TMEM41A: variants seen among roughly 807,000 people sequenced by gnomAD.
The protein encoded by TMEM41A is transmembrane protein 41A.
Under a neutral mutation model 25.7 loss-of-function variants are expected in TMEM41A, and 20 were observed. The observed-to-expected ratio is 0.78, with a 90% CI of 0.55 to 1.13. The LOEUF (loss-of-function observed/expected upper bound fraction) is 1.13, where lower values mean the gene tolerates loss of function less well. TMEM41A is among the 50% of genes most tolerant of loss of function. TMEM41A has a pLI of 0.00. For missense variants in TMEM41A, 299 were observed against 314.3 expected (o/e 0.95, Z 0.37); for synonymous variants, 133 against 139.6 (o/e 0.95, Z 0.33).
intron 4 of TMEM41A, chr3:185,494,332 G>T (rs1560147175): frequency 7.0e-6 from 2 of 286,282 alleles, no homozygotes; most frequent in Non-Finnish European, 1.3e-5. Context: ...TACTTACTAT[G>T]GGCCAATTTG....
In TMEM41A at chr3:185,496,864, G is replaced by A. The variant is rs752986723; in HGVS notation, c.237C>T (p.Tyr79=). The A allele has an allele frequency of 1.9e-6, 3 of 1,608,158 alleles. No homozygotes were observed. Among genetic ancestry groups the A allele is most frequent in the Non-Finnish European group, 2.5e-6 (3 of 1,178,260 alleles). The change falls in exon 2 of 5, where the codon TAC becomes TAT. Residue 79 remains tyrosine, a synonymous_variant. Transcript: ENST00000421852. ...VFLLFCGAYL[Y]KQGFAIPGSS... ...AGCCGGGGATGGCAAAGCCCTGTTT[G>A]TAGAGGTAGGCGCCGCAGAAGAGCA...
At position 185,499,027 on chromosome 3, in the gene TMEM41A, G is replaced by A; in HGVS notation, c.-66C>T. 2.1e-6 allele frequency: 3 copies of A among 1,418,988 alleles called. No individual in the cohort carries two copies. The highest frequency in any genetic ancestry group is 2.9e-6 in the Non-Finnish European group (3 of 1,039,456). 87.9% of individuals were successfully genotyped at this position (1,418,988 alleles called of 1,614,324 possible). Reference sequence around the variant, plus strand: ...CACTTGCACTCCGGGACGCAGCGGCGGGCGGACTGAGCCCGCGGAGCACGT... The same window carrying A: ...CACTTGCACTCCGGGACGCAGCGGCAGGCGGACTGAGCCCGCGGAGCACGT... On this transcript the variant is annotated 5_prime_UTR_variant, in exon 1 of 5. Transcript: ENST00000421852.
chr3:185,495,450 T>C, intron 2 of TMEM41A, 135 bp from the exon 3 acceptor site: 1 of 810,070 alleles, frequency 1.2e-6, no homozygotes, highest in Non-Finnish European at 1.9e-6. Context: ...GTTATTTATT[T>C]ATTTTTAAGA....
Position 185,495,047 on chromosome 3 carries a change from C to G in TMEM41A, c.435+107G>C, listed in dbSNP as rs1352501205. 7.3e-6 allele frequency: 10 copies of G among 1,369,116 alleles called. No individual in the cohort carries two copies. In the Admixed American group the frequency reaches 1.7e-4, roughly 24 times the overall value. The allele number at this position is 1,369,116 out of a possible 1,614,324, so 84.8% of individuals were successfully genotyped here. On this transcript the variant is annotated intron_variant, in intron 3 of 4. Transcript: ENST00000421852. ...AAAGAACCCCTAGGACCTCCTGAAACAGCGTGGAAGAGTACTGTGGGAAAT... is the reference window on the plus strand; with the variant it reads ...AAAGAACCCCTAGGACCTCCTGAAAGAGCGTGGAAGAGTACTGTGGGAAAT...
At chr3:185,493,904 G>T (rs1300085009) in intron 4 of TMEM41A, 2 of 152,086 alleles carry the variant, frequency 1.3e-5, no homozygotes, top group African/African-American at 4.8e-5. Context: ...AGAATGACTG[G>T]GTTTGCAGTT....
intron 2 of TMEM41A, chr3:185,495,735 C>T: frequency 6.0e-6 from 1 of 166,918 alleles, no homozygotes; most frequent in South Asian, 1.7e-4. Context: ...AGCCACTGCC[C>T]CAGGTCCCAA....
In TMEM41A at chr3:185,499,000, C is replaced by T; in HGVS notation, c.-39G>A. ...CCCGGCCCGCGGGGCAGCCGAGAAGCTCACTTGCACTCCGGGACGCAGCGG... is the reference window on the plus strand; with the variant it reads ...CCCGGCCCGCGGGGCAGCCGAGAAGTTCACTTGCACTCCGGGACGCAGCGG... On this transcript the variant is annotated 5_prime_UTR_variant, in exon 1 of 5. Transcript: ENST00000421852. The T allele has an allele frequency of 2.0e-6, 3 of 1,533,758 alleles. No homozygotes were observed. Among genetic ancestry groups the T allele is most frequent in the South Asian group, 2.3e-5 (2 of 85,116 alleles).
intron 2 of TMEM41A, 133 bp from the exon 3 acceptor site, chr3:185,495,448 T>C: frequency 2.4e-6 from 2 of 830,064 alleles, no homozygotes; most frequent in Non-Finnish European, 3.7e-6. Context: ...GCGTTATTTA[T>C]TTATTTTTAA....
Position 185,491,706 on chromosome 3 carries a change from G to T in TMEM41A, c.626C>A (p.Thr209Asn). The stretch of plus-strand genomic sequence containing the variant: ...GAAAAGAGCATCCAGAGAGGTTAGG[G>T]TTGACAGGATGGACCCTGTCTGCAC... ...ICVQTGSILS[T>N]LTSLDALFSW... The change falls in exon 5 of 5, where the codon ACC (threonine) becomes AAC (asparagine). Residue 209 changes from threonine (T) to asparagine (N), a missense_variant. Thr to Asn is a moderately conservative substitution (Grantham distance 65). Coordinates refer to ENST00000421852, the MANE Select transcript of TMEM41A (RefSeq NM_080652.4). 6.2e-7 allele frequency: 1 copy of T among 1,614,202 alleles called. No individual in the cohort carries two copies. Among genetic ancestry groups the T allele is most frequent in the Non-Finnish European group, 8.5e-7 (1 of 1,180,042 alleles).
In TMEM41A at chr3:185,498,965, G is replaced by C; in HGVS notation, c.-4C>G. 1.3e-6 allele frequency: 2 copies of C among 1,595,324 alleles called. No homozygotes were observed. On this transcript the variant is annotated 5_prime_UTR_variant, in exon 1 of 5. Transcript: ENST00000421852. ...GGAGGCCGAGAAGCGGGCGCATGTC[G>C]GCTCCGCACCCCGGCCCGCGGGGCA...
At chr3:185,494,095 C>A (rs1189153286) in intron 4 of TMEM41A, 1 of 152,222 alleles carries the variant, frequency 6.6e-6, no homozygotes, top group Non-Finnish European at 1.5e-5. Context: ...CTATTCCTAG[C>A]CAGGTGGTCC....
In TMEM41A at chr3:185,490,523, T is replaced by C. The variant is rs1718914906; in HGVS notation, c.*1014A>G. 3 of 152,212 alleles carry C rather than the reference T, an allele frequency of 2.0e-5. No homozygotes were observed. The highest frequency in any genetic ancestry group is 4.4e-5 in the Non-Finnish European group (3 of 68,030). 9.4% of individuals were successfully genotyped at this position (152,212 alleles called of 1,614,324 possible). On this transcript the variant is annotated 3_prime_UTR_variant, in exon 5 of 5. Transcript: ENST00000421852. Reference sequence around the variant, plus strand: ...ACATACAGCGTTTGCTCCATTCATATTTAATAGTCTGTTTGCAATCAGCTT... The same window carrying C: ...ACATACAGCGTTTGCTCCATTCATACTTAATAGTCTGTTTGCAATCAGCTT...
rs1333241129 is a variant in TMEM41A, at chr3:185,491,753, C to G, written c.579G>C (p.Leu193Phe). 1 of 1,603,164 alleles carries G rather than the reference C, an allele frequency of 6.2e-7. No individual in the cohort carries two copies. ...GCACACAGATGAAATTATATGGGAT[C>G]AAACCTGGAAGAAGAAAAGGACAAA... ...VQFFFSVLIG[L>F]IPYNFICVQT... The change falls in exon 5 of 5, where the codon TTG (leucine) becomes TTC (phenylalanine). Residue 193 changes from leucine (L) to phenylalanine (F), a missense_variant. Leu to Phe is a conservative substitution (Grantham distance 22). Coordinates refer to ENST00000421852, the MANE Select transcript of TMEM41A (RefSeq NM_080652.4).
chr3:185,498,819 C>T, intron 1 of TMEM41A, 24 bp downstream of exon 1: 2 of 1,557,240 alleles, frequency 1.3e-6, no homozygotes, highest in South Asian at 1.2e-5. Context: ...TCCTCTGACC[C>T]GAACCCGGAT....
At position 185,491,849 on chromosome 3, in the gene TMEM41A, GT is replaced by G. The variant is rs11403038; in HGVS notation, c.575-93del. The G allele has an allele frequency of 1.5e-3, 1,329 of 908,886 alleles. 12 individuals are homozygous for G. In the African/African-American group the frequency reaches 0.018, roughly 13 times the overall value. 56.3% of individuals were successfully genotyped at this position (908,886 alleles called of 1,614,324 possible). A position where few individuals can be genotyped will look rare whatever the true frequency, so the allele number is the denominator to read the frequency against. ...AATGTCACCAGGAACAGTGACTACG[GT>G]TTTTTTTTGCTTGACTCTTGACCCT... On this transcript the variant is annotated intron_variant, in intron 4 of 4. Transcript: ENST00000421852.
chr3:185,498,766 C>T, intron 1 of TMEM41A, 77 bp downstream of exon 1: 1 of 1,103,492 alleles, frequency 9.1e-7, no homozygotes, highest in Non-Finnish European at 1.3e-6. Context: ...CCCGAATCTC[C>T]GAATCTCCGA....
intron 2 of TMEM41A, chr3:185,495,567 A>AGCAGCTAGGACTGTAGGCAC: frequency 1.9e-6 from 1 of 527,052 alleles, no homozygotes; most frequent in Non-Finnish European, 3.4e-6. Flanking sequence ...CAGCCTCCCA[A>AGCAGCTAGGACTGTAGGCAC]GCAGCTAGGA....
Position 185,490,397 on chromosome 3 carries a change from T to C in TMEM41A, c.*1140A>G, listed in dbSNP as rs1349834199. 6.6e-6 allele frequency: 1 copy of C among 152,254 alleles called. No individual in the cohort carries two copies. Among genetic ancestry groups the C allele is most frequent in the Non-Finnish European group, 1.5e-5 (1 of 68,062 alleles). 9.4% of individuals were successfully genotyped at this position (152,254 alleles called of 1,614,324 possible). On this transcript the variant is annotated 3_prime_UTR_variant, in exon 5 of 5. Transcript: ENST00000421852. ...CCTAGCATGACACAGAACGGATTCCTGCAGAAAGGACAGATAAAATGTTTG... is the reference window on the plus strand; with the variant it reads ...CCTAGCATGACACAGAACGGATTCCCGCAGAAAGGACAGATAAAATGTTTG...
In TMEM41A at chr3:185,491,585, C is replaced by T; in HGVS notation, c.747G>A (p.Leu249=). ...TATGATTAGCAGTACTTGTTTCATT[C>T]AATTGCAGATGTTTCTGACTAAATT... ...IKKFSQKHLQ[L]NETSTANHIH... is the part of the protein sequence containing the mutation. Residue 249 remains leucine (L), a synonymous_variant, in exon 5 of 5, where the codon TTG becomes TTA. Transcript: ENST00000421852. 2 of 1,614,158 alleles carry T rather than the reference C, an allele frequency of 1.2e-6. No individual in the cohort carries two copies. Among genetic ancestry groups the T allele is most frequent in the Non-Finnish European group, 1.7e-6 (2 of 1,180,034 alleles).
Sources: allele counts gnomAD v4.1 joint callset, GRCh38; gene constraint gnomAD v4.1.1; transcripts MANE v1.5; gene names NCBI Gene and HGNC (gene_info 2026-07-23, HGNC 2026-07-21).